Variants in CIMIP5 observed in about 807,000 individuals in gnomAD.
CIMIP5 encodes the protein uncharacterized protein C2orf50.
the CIMIP5 span, among the ~76,000 whole-genome samples, chr2:11,135,199 A>C: frequency 6.6e-6 from 1 of 152,156 alleles, no homozygotes; most frequent in Non-Finnish European, 1.5e-5. Context: ...ATTTGGAGAG[A>C]ACAAACATTC....
At chr2:11,134,825 T>C in the CIMIP5 span, among the ~76,000 whole-genome samples, 23 of 152,322 alleles carry the variant, frequency 1.5e-4, no homozygotes, top group African/African-American at 5.1e-4. Context: ...CCATTTTGCA[T>C]TGCTGTCAAG....
the CIMIP5 span, among the ~76,000 whole-genome samples, chr2:11,135,754 G>C: frequency 1.3e-5 from 2 of 151,532 alleles, no homozygotes; most frequent in African/African-American, 4.8e-5. Context: ...TTCTGGCCAG[G>C]CTGGTCTTGA....
At chr2:11,148,592 A>G in the CIMIP5 span, among the ~76,000 whole-genome samples, 1 of 151,576 alleles carries the variant, frequency 6.6e-6, no homozygotes, top group Non-Finnish European at 1.5e-5. Flanking sequence ...GAACAGTAAT[A>G]GGCCACCCTG....
chr2:11,141,341 C>T, the CIMIP5 span, among the ~76,000 whole-genome samples: 1 of 151,950 alleles, frequency 6.6e-6, no homozygotes. Flanking sequence ...GTTAGCCAGG[C>T]TGGTCTCGAA....
chr2:11,138,374 T>C, the CIMIP5 span, among the ~76,000 whole-genome samples: 2 of 152,176 alleles, frequency 1.3e-5, no homozygotes, highest in African/African-American at 4.8e-5. Flanking sequence ...GGGGATAACA[T>C]TTACATAATC....
At chr2:11,149,011 G>C in the CIMIP5 span, among the ~76,000 whole-genome samples, 3 of 152,064 alleles carry the variant, frequency 2.0e-5, no homozygotes, top group South Asian at 4.1e-4. Context: ...TGGGATTACA[G>C]ACATGAGCCA....
chr2:11,137,589 G>A, the CIMIP5 span, among the ~76,000 whole-genome samples: 1 of 152,202 alleles, frequency 6.6e-6, no homozygotes. Context: ...GAGAATGGGA[G>A]AGAGAATGTC....
the CIMIP5 span, among the ~76,000 whole-genome samples, chr2:11,148,838 G>A: frequency 4.0e-5 from 6 of 148,994 alleles, no homozygotes; most frequent in African/African-American, 1.0e-4. Flanking sequence ...GGGTTCAAGC[G>A]ATTCTCCTGC....
the CIMIP5 span, among the ~76,000 whole-genome samples, chr2:11,142,564 G>C: frequency 6.6e-6 from 1 of 152,196 alleles, no homozygotes; most frequent in Non-Finnish European, 1.5e-5. Context: ...CATGGCCAAA[G>C]GGTGGAGCCA....
At chr2:11,142,713 ATTTTT>A in the CIMIP5 span, among the ~76,000 whole-genome samples, 1,273 of 104,124 alleles carry the variant, frequency 0.012, 24 homozygotes, top group African/African-American at 0.046. Context: ...CACTTGTCAG[ATTTTT>A]TTTTTTTTTT....
the CIMIP5 span, among the ~76,000 whole-genome samples, chr2:11,139,036 G>C: frequency 6.6e-6 from 1 of 152,006 alleles, no homozygotes; most frequent in Non-Finnish European, 1.5e-5. Context: ...TCCTGCCTCA[G>C]CCTCCCTAGT....
the CIMIP5 span, chr2:11,145,484 T>G: frequency 3.3e-5 from 5 of 151,820 alleles, no homozygotes; most frequent in African/African-American, 7.3e-5. Flanking sequence ...AGCAAAAAAA[T>G]GCAGAAAAGG....
chr2:11,144,036 T>C, the CIMIP5 span: 2 of 1,606,554 alleles, frequency 1.2e-6, no homozygotes, highest in Non-Finnish European at 1.7e-6. Context: ...TGGGACAGAC[T>C]CTCATCCGCA....
At chr2:11,135,792 C>T in the CIMIP5 span, among the ~76,000 whole-genome samples, 1 of 152,080 alleles carries the variant, frequency 6.6e-6, no homozygotes, top group African/African-American at 2.4e-5. Flanking sequence ...ATCCACGTGC[C>T]TCAGCCTCCC....
chr2:11,133,716 C>CTCT, the CIMIP5 span: 1 of 1,400,594 alleles, frequency 7.1e-7, no homozygotes, highest in Non-Finnish European at 9.3e-7. Context: ...ATGGCATGCC[C>CTCT]GGGGGAAGGT....
chr2:11,147,015 G>C, the CIMIP5 span, among the ~76,000 whole-genome samples: 1 of 152,216 alleles, frequency 6.6e-6, no homozygotes, highest in Admixed American at 6.5e-5. Context: ...TGTGCAGAGG[G>C]GAGAGAATCA....
chr2:11,142,266 CAAA>C, the CIMIP5 span, among the ~76,000 whole-genome samples: 26 of 84,642 alleles, frequency 3.1e-4, no homozygotes, highest in Middle Eastern at 6.3e-3. Flanking sequence ...AATTCAGTCT[CAAA>C]AAAAAAAAAA....
chr2:11,145,455 A>G, the CIMIP5 span: 1 of 151,930 alleles, frequency 6.6e-6, no homozygotes, highest in African/African-American at 2.4e-5. Flanking sequence ...TTGTGATTAT[A>G]TCACAACCTT....
chr2:11,137,968 C>A, the CIMIP5 span, among the ~76,000 whole-genome samples: 6 of 152,208 alleles, frequency 3.9e-5, no homozygotes, highest in African/African-American at 1.2e-4. Flanking sequence ...GCCTCGGCCT[C>A]CCAAGTAGCT....
Sources: allele counts gnomAD v4.1 joint callset (sites outside exome capture counted in the v4.1 genomes callset), GRCh38; gene constraint gnomAD v4.1.1; transcripts MANE v1.5; gene names NCBI Gene and HGNC (gene_info 2026-07-23, HGNC 2026-07-21).